Variants in NCAM2 observed in about 807,000 individuals in gnomAD.
NCAM2 encodes the protein neural cell adhesion molecule 2.
A neutral mutation model predicts 98.1 loss-of-function variants in NCAM2; 30 were observed. That is an observed-to-expected ratio of 0.31 (90% CI 0.23 to 0.41). The LOEUF is 0.41. NCAM2 is among the 10% of genes least tolerant of loss of function. The pLI is 1.00. For synonymous variants in NCAM2, 368 were observed against 342.4 expected (o/e 1.07, Z -0.83); for missense variants, 867 against 1,005.8 (o/e 0.86, Z 1.87).
At chr21:21,320,024 A>C (rs2074333355) in intron 5 of NCAM2, among the ~76,000 whole-genome samples, 1 of 152,166 alleles carries the variant, frequency 6.6e-6, no homozygotes, top group African/African-American at 2.4e-5. Flanking sequence ...ACGCTTCTAC[A>C]GTCTGATGGT....
At chr21:21,450,692 G>T (rs1980901240) in intron 12 of NCAM2, among the ~76,000 whole-genome samples, 1 of 151,712 alleles carries the variant, frequency 6.6e-6, no homozygotes, top group African/African-American at 2.4e-5. Context: ...GCACTTTCAT[G>T]TCTGTCCACT....
chr21:21,311,180 C>T (rs1353686898), intron 5 of NCAM2, among the ~76,000 whole-genome samples: 1 of 152,080 alleles, frequency 6.6e-6, no homozygotes, highest in Admixed American at 6.6e-5. Flanking sequence ...AAGAATTTTA[C>T]TTTTTTTCTA....
chr21:21,452,909 ATTAC>A (rs1438215236), intron 12 of NCAM2, among the ~76,000 whole-genome samples: 7 of 102,900 alleles, frequency 6.8e-5, no homozygotes, highest in Admixed American at 5.8e-4. Context: ...TATAATATAT[ATTAC>A]TTTATATATT....
intron 1 of NCAM2, among the ~76,000 whole-genome samples, chr21:21,024,820 G>A (rs2064509271): frequency 6.6e-6 from 1 of 151,898 alleles, no homozygotes; most frequent in South Asian, 2.1e-4. Context: ...CCAGGAGGCG[G>A]AGACTGCAGT....
At chr21:21,288,029 C>T (rs1379560342) in intron 4 of NCAM2, among the ~76,000 whole-genome samples, 2 of 151,768 alleles carry the variant, frequency 1.3e-5, no homozygotes, top group African/African-American at 4.8e-5. Flanking sequence ...TAAGCCGATG[C>T]CAAAGTCTCT....
chr21:21,143,295 C>T (rs59966124), intron 1 of NCAM2, among the ~76,000 whole-genome samples: 105 of 152,112 alleles, frequency 6.9e-4, no homozygotes, highest in African/African-American at 2.4e-3. Context: ...TGTGTGTCAA[C>T]GCATCTATTT....
chr21:21,024,392 A>T (rs918037878), intron 1 of NCAM2, among the ~76,000 whole-genome samples: 1 of 147,898 alleles, frequency 6.8e-6, no homozygotes, highest in Admixed American at 6.6e-5. Context: ...CTGGGGGGGG[A>T]AAAAACAGAG....
At chr21:21,329,379 C>T (rs2074610260) in intron 6 of NCAM2, among the ~76,000 whole-genome samples, 1 of 152,070 alleles carries the variant, frequency 6.6e-6, no homozygotes, top group Non-Finnish European at 1.5e-5. Context: ...AAGTTTGCAG[C>T]CTAGGAGAAA....
At chr21:21,303,740 G>T (rs1372589750) in intron 5 of NCAM2, among the ~76,000 whole-genome samples, 7 of 151,958 alleles carry the variant, frequency 4.6e-5, no homozygotes, top group Admixed American at 4.6e-4. Context: ...GCAGTGTACG[G>T]GTATTTCGGG....
intron 5 of NCAM2, among the ~76,000 whole-genome samples, chr21:21,295,430 A>C (rs1165082824): frequency 6.6e-6 from 1 of 151,834 alleles, no homozygotes; most frequent in African/African-American, 2.4e-5. Flanking sequence ...TCCCTTGAAG[A>C]AGATTATACA....
intron 1 of NCAM2, among the ~76,000 whole-genome samples, chr21:21,024,642 C>T (rs1020634708): frequency 2.0e-5 from 3 of 152,074 alleles, no homozygotes; most frequent in East Asian, 3.9e-4. Flanking sequence ...TTTGGGAGGC[C>T]GAGGCGGATG....
At chr21:21,395,538 A>G (rs984166100) in intron 9 of NCAM2, among the ~76,000 whole-genome samples, 1 of 152,138 alleles carries the variant, frequency 6.6e-6, no homozygotes, top group Non-Finnish European at 1.5e-5. Flanking sequence ...TTCATATGGG[A>G]CCACAAAAGA....
chr21:21,368,577 G>T (rs528335296), intron 8 of NCAM2, among the ~76,000 whole-genome samples: 3 of 151,892 alleles, frequency 2.0e-5, no homozygotes, highest in Admixed American at 6.6e-5. Context: ...GATTTGAGGT[G>T]TGCTGAGGGC....
chr21:21,274,993 T>C (rs2072668770), intron 1 of NCAM2, among the ~76,000 whole-genome samples: 1 of 152,156 alleles, frequency 6.6e-6, no homozygotes, highest in African/African-American at 2.4e-5. Flanking sequence ...ATATTCATTA[T>C]ATTTATATTA....
chr21:21,305,649 G>A (rs1378870253), intron 5 of NCAM2, among the ~76,000 whole-genome samples: 1 of 151,928 alleles, frequency 6.6e-6, no homozygotes, highest in Non-Finnish European at 1.5e-5. Context: ...TTTCTGATCA[G>A]ACTGGATAGA....
intron 1 of NCAM2, among the ~76,000 whole-genome samples, chr21:21,096,145 A>G (rs1454594478): frequency 6.6e-6 from 1 of 151,712 alleles, no homozygotes. Context: ...GGATAATGCC[A>G]CACATTCTTG....
intron 12 of NCAM2, among the ~76,000 whole-genome samples, chr21:21,443,835 C>A (rs1979678193): frequency 6.6e-6 from 1 of 152,022 alleles, no homozygotes; most frequent in Non-Finnish European, 1.5e-5. Context: ...TTTACAATTC[C>A]CTGGAAGTAA....
intron 1 of NCAM2, among the ~76,000 whole-genome samples, chr21:21,270,417 C>T (rs2072448591): frequency 6.6e-6 from 1 of 152,070 alleles, no homozygotes; most frequent in South Asian, 2.1e-4. Context: ...CTTTTATTTA[C>T]ATTAAATGAT....
chr21:21,347,911 A>G (rs1472095314), intron 8 of NCAM2, among the ~76,000 whole-genome samples: 1 of 152,076 alleles, frequency 6.6e-6, no homozygotes, highest in Non-Finnish European at 1.5e-5. Flanking sequence ...AAAATTTAAC[A>G]TCCATTCATG....
Sources: allele counts gnomAD v4.1 joint callset (sites outside exome capture counted in the v4.1 genomes callset), GRCh38; gene constraint gnomAD v4.1.1; transcripts MANE v1.5; gene names NCBI Gene and HGNC (gene_info 2026-07-23, HGNC 2026-07-21).